DOK5: variants seen among roughly 807,000 people sequenced by gnomAD.
DOK5 encodes docking protein 5.
In DOK5, 27 loss-of-function variants were observed where a neutral mutation model predicts 43.3. The observed-to-expected ratio is 0.62, with a 90% CI of 0.46 to 0.86. The LOEUF is 0.86. Ranked by LOEUF, DOK5 falls within the 40% of genes least tolerant of loss-of-function variation. The pLI, the probability that DOK5 is intolerant of heterozygous loss-of-function variation, is 0.00. For synonymous variants in DOK5, 146 were observed against 140.1 expected, an observed-to-expected ratio of 1.04 and a Z score of -0.30; for missense variants, 373 against 392.9, an observed-to-expected ratio of 0.95 and a Z score of 0.43.
intron 6 of DOK5, among the ~76,000 whole-genome samples, chr20:54,615,677 C>T (rs1304692963): frequency 1.3e-5 from 2 of 152,026 alleles, no homozygotes; most frequent in Admixed American, 6.6e-5. Flanking sequence ...TTTGGGAGGC[C>T]GAGGTGGGTG....
intron 6 of DOK5, among the ~76,000 whole-genome samples, chr20:54,638,874 G>C (rs1347067754): frequency 6.6e-6 from 1 of 151,052 alleles, no homozygotes; most frequent in African/African-American, 2.4e-5. Context: ...TAGAGACGGA[G>C]TTTCAACCAT....
At position 54,588,581 on chromosome 20, in the gene DOK5, T is replaced by C. The variant is rs368190048; in HGVS notation, c.273T>C (p.Thr91=). The change falls in exon 3 of 8, where the codon ACT becomes ACC. Residue 91 remains threonine (T), a synonymous_variant. Transcript: ENST00000262593. Reference sequence around the variant, plus strand: ...ATTTCAATGACGATACCTCCAAGACTTTTGCTTGCGAATCAGGTTTGTCTC... The same window carrying C: ...ATTTCAATGACGATACCTCCAAGACCTTTGCTTGCGAATCAGGTTTGTCTC... The part of the protein sequence containing the change: ...GIYFNDDTSK[T]FACESDLEAD... 1 of 1,614,144 alleles carries C rather than the reference T, an allele frequency of 6.2e-7. No homozygotes were observed. The highest frequency in any genetic ancestry group is 2.2e-5 in the East Asian group (1 of 44,874).
intron 5 of DOK5, among the ~76,000 whole-genome samples, chr20:54,603,214 T>C (rs1986352492): frequency 6.6e-6 from 1 of 152,226 alleles, no homozygotes; most frequent in Non-Finnish European, 1.5e-5. Flanking sequence ...TGATGTGTTA[T>C]CTCACATCAA....
intron 2 of DOK5, among the ~76,000 whole-genome samples, chr20:54,568,880 C>A (rs1297291243): frequency 6.6e-6 from 1 of 151,216 alleles, no homozygotes; most frequent in African/African-American, 2.4e-5. Context: ...TACAGTGAGC[C>A]GAGTTCACGC....
At chr20:54,551,130 T>A (rs1338837341) in intron 1 of DOK5, among the ~76,000 whole-genome samples, 2 of 152,222 alleles carry the variant, frequency 1.3e-5, no homozygotes, top group South Asian at 2.1e-4. Flanking sequence ...TGGTTTTAAT[T>A]TGCCCTTCCC....
At chr20:54,628,639 A>G (rs1978425427) in intron 6 of DOK5, among the ~76,000 whole-genome samples, 1 of 152,122 alleles carries the variant, frequency 6.6e-6, no homozygotes, top group East Asian at 1.9e-4. Context: ...TTCCAGAGGA[A>G]CTGGTTACTG....
chr20:54,562,312 T>C (rs1984936504), intron 2 of DOK5, among the ~76,000 whole-genome samples: 1 of 152,222 alleles, frequency 6.6e-6, no homozygotes, highest in African/African-American at 2.4e-5. Context: ...AAAAGGGCCA[T>C]GTGACTCACA....
chr20:54,476,624 A>G (rs1981439287), intron 1 of DOK5, among the ~76,000 whole-genome samples: 1 of 151,886 alleles, frequency 6.6e-6, no homozygotes, highest in Non-Finnish European at 1.5e-5. Context: ...GGGGTGGTGG[A>G]TTTCTGTTGC....
rs117471308 is a variant in DOK5, at chr20:54,583,215, G to A, written c.175-5268G>A. Among the ~76,000 whole-genome samples the A allele has an allele frequency of 5.2e-3, 784 of 151,428 alleles. 9 individuals carry two copies. Among genetic ancestry groups the A allele is most frequent in the South Asian group, 0.014 (67 of 4,780 alleles). ...TGTTATTGTTTTTTAGTTTTATTCC[G>A]TGGTGGTTGGGAAAGATACTTAATT... On this transcript the variant is annotated intron_variant, in intron 2 of 7. Transcript: ENST00000262593.
At chr20:54,528,609 T>G (rs1819446383) in intron 1 of DOK5, among the ~76,000 whole-genome samples, 1 of 152,166 alleles carries the variant, frequency 6.6e-6, no homozygotes, top group African/African-American at 2.4e-5. Flanking sequence ...TTCTTATATC[T>G]CCTTGGCCAA....
At chr20:54,595,233 C>T (rs985960751) in intron 5 of DOK5, among the ~76,000 whole-genome samples, 16 of 151,804 alleles carry the variant, frequency 1.1e-4, no homozygotes, top group African/African-American at 3.1e-4. Context: ...CCCAGCTACT[C>T]GGGAGGCTGA....
rs760405216 is a variant in DOK5 at position 54,608,360 on chromosome 20, A to T, written c.600-2028A>T. Among the ~76,000 whole-genome samples the T allele has an allele frequency of 3.3e-5, 5 of 152,240 alleles. No homozygotes were observed. In the South Asian group the frequency reaches 1.0e-3, roughly 31 times the overall value. Reference sequence around the variant, plus strand: ...ATTACTTCCTTCTCTTGACAAATTAATATTTCCTAATTGATGGAATAAAGA... The same window carrying T: ...ATTACTTCCTTCTCTTGACAAATTATTATTTCCTAATTGATGGAATAAAGA... On this transcript the variant is annotated intron_variant, in intron 5 of 7. Transcript: ENST00000262593.
chr20:54,594,768 T>G (rs930213171), intron 5 of DOK5, among the ~76,000 whole-genome samples: 2 of 152,172 alleles, frequency 1.3e-5, no homozygotes, highest in Non-Finnish European at 2.9e-5. Context: ...TTAGTAAACT[T>G]TATTAGTATC....
intron 6 of DOK5, among the ~76,000 whole-genome samples, chr20:54,638,447 G>C (rs969550918): frequency 1.3e-5 from 2 of 152,170 alleles, no homozygotes; most frequent in Admixed American, 1.3e-4. Context: ...GGCCTGAGAA[G>C]GGAAGGGTGT....
At chr20:54,526,088 C>T (rs1309921897) in intron 1 of DOK5, among the ~76,000 whole-genome samples, 1 of 152,018 alleles carries the variant, frequency 6.6e-6, no homozygotes, top group Admixed American at 6.6e-5. Flanking sequence ...TAAGGTTCAC[C>T]CTTCTCTGAT....
intron 7 of DOK5, among the ~76,000 whole-genome samples, chr20:54,644,723 A>ACAAAAAAAAACAC (rs1555839842): frequency 2.2e-4 from 32 of 142,482 alleles, no homozygotes; most frequent in Non-Finnish European, 3.5e-4. Flanking sequence ...AAAAAAAAAA[A>ACAAAAAAAAACAC]ACAAAATTTA....
rs896422195 is a variant in DOK5 at position 54,478,166 on chromosome 20, G to T, written c.66+2154G>T. 2.0e-5 allele frequency among the ~76,000 whole-genome samples: 3 copies of T among 152,230 alleles called. No individual in the cohort carries two copies. In the East Asian group the frequency reaches 5.8e-4, roughly 29 times the overall value. On this transcript the variant is annotated intron_variant, in intron 1 of 7. Coordinates refer to ENST00000262593, the MANE Select transcript of DOK5 (RefSeq NM_018431.5). ...AAATCTGGTCTTATTTGTTAGCATT[G>T]GTTTTCTCACCAGTTAATTTTTAAA...
At chr20:54,540,999 T>C (rs943572883) in intron 1 of DOK5, among the ~76,000 whole-genome samples, 1 of 152,194 alleles carries the variant, frequency 6.6e-6, no homozygotes, top group Non-Finnish European at 1.5e-5. Flanking sequence ...GGCTTAGATA[T>C]TTAATAGGTG....
At chr20:54,535,203 C>T (rs991153605) in intron 1 of DOK5, among the ~76,000 whole-genome samples, 1 of 152,158 alleles carries the variant, frequency 6.6e-6, no homozygotes, top group African/African-American at 2.4e-5. Flanking sequence ...CCCAGGTTTC[C>T]TTCCCTTAAA....
Sources: gnomAD v4.1 joint callset for allele counts (sites outside exome capture counted in the v4.1 genomes callset) on GRCh38, gnomAD v4.1.1 for gene constraint, MANE v1.5 for transcripts, NCBI Gene and HGNC (gene_info 2026-07-23, HGNC 2026-07-21) for gene names.